The following GALNT10 variants were observed in gnomAD, a reference collection of about 807,000 sequenced individuals.
The protein encoded by GALNT10 is polypeptide N-acetylgalactosaminyltransferase 10, also known as GalNAc transferase 10.
In GALNT10, 41 loss-of-function variants were observed where a neutral mutation model predicts 75.0. The observed-to-expected ratio is 0.55, with a 90% CI of 0.43 to 0.71. GALNT10 has a LOEUF of 0.71. GALNT10 is among the 30% of genes least tolerant of loss of function. GALNT10 has a pLI of 0.00. For missense variants in GALNT10, 727 were observed against 818.5 expected, an observed-to-expected ratio of 0.89 and a Z score of 1.36; for synonymous variants, 302 against 313.0, an observed-to-expected ratio of 0.96 and a Z score of 0.37.
chr5:154,237,476 G>GA (rs1353390709), intron 1 of GALNT10, among the ~76,000 whole-genome samples: 1 of 152,190 alleles, frequency 6.6e-6, no homozygotes, highest in Non-Finnish European at 1.5e-5. Flanking sequence ...ACGCTTGTGA[G>GA]AATCTGTCTA....
intron 9 of GALNT10, among the ~76,000 whole-genome samples, chr5:154,411,683 C>T (rs1756401145): frequency 6.6e-6 from 1 of 152,244 alleles, no homozygotes; most frequent in Non-Finnish European, 1.5e-5. Flanking sequence ...TTTGCAGGAG[C>T]ACTGCTGTGT....
intron 4 of GALNT10, chr5:154,337,326 G>A (rs1341733815): frequency 4.5e-6 from 2 of 446,664 alleles, no homozygotes; most frequent in Non-Finnish European, 8.2e-6. Context: ...ATGAATATTT[G>A]TCTAAAACAT....
Position 154,190,987 on chromosome 5 carries a change from G to T in GALNT10, c.121G>T (p.Gly41Trp). 1 of 1,498,822 alleles carries T rather than the reference G, an allele frequency of 6.7e-7. No individual in the cohort carries two copies. Among genetic ancestry groups the T allele is most frequent in the Non-Finnish European group, 8.9e-7 (1 of 1,124,016 alleles). 92.8% of individuals were successfully genotyped at this position (1,498,822 alleles called of 1,614,324 possible). Reference sequence around the variant, plus strand: ...CGAGCGGCAGCCCGACGGCACCCCTGGGGGATCGGGGGCGGCGGTGGCGCC... The same window carrying T: ...CGAGCGGCAGCCCGACGGCACCCCTTGGGGATCGGGGGCGGCGGTGGCGCC... ...YRERQPDGTP[G>W]GSGAAVAPAA... The change falls in exon 1 of 12, where the codon GGG (glycine) becomes TGG (tryptophan). Residue 41 changes from glycine to tryptophan, a missense_variant. Physicochemically the swap from Gly to Trp is radical, Grantham distance 184. Coordinates refer to ENST00000297107, the MANE Select transcript of GALNT10 (RefSeq NM_198321.4).
chr5:154,351,463 T>C (rs372467502), intron 4 of GALNT10, among the ~76,000 whole-genome samples: 2 of 152,388 alleles, frequency 1.3e-5, no homozygotes, highest in South Asian at 4.1e-4. Flanking sequence ...TTCTGTGTTT[T>C]ACTGCTTGCT....
chr5:154,210,959 TG>T (rs1775187260), intron 1 of GALNT10, among the ~76,000 whole-genome samples: 2 of 152,082 alleles, frequency 1.3e-5, no homozygotes, highest in African/African-American at 2.4e-5. Flanking sequence ...TACAGGTAGA[TG>T]GGGGAGAGGG....
chr5:154,205,077 ACTCTGTTCT>A (rs1427215628), intron 1 of GALNT10, among the ~76,000 whole-genome samples: 8 of 151,260 alleles, frequency 5.3e-5, no homozygotes, highest in Non-Finnish European at 1.0e-4. Flanking sequence ...TTTGGACACC[ACTCTGTTCT>A]TGGTGTTGTG....
At chr5:154,391,322 A>G (rs1442548258) in intron 7 of GALNT10, among the ~76,000 whole-genome samples, 1 of 152,216 alleles carries the variant, frequency 6.6e-6, no homozygotes, top group Non-Finnish European at 1.5e-5. Context: ...TTCAGAAATT[A>G]AGATCAATCA....
chr5:154,264,313 C>CAAAA (rs372645621), intron 1 of GALNT10, among the ~76,000 whole-genome samples: 2 of 105,216 alleles, frequency 1.9e-5, no homozygotes, highest in Non-Finnish European at 3.8e-5. Flanking sequence ...ACTCTGTCTC[C>CAAAA]AAAAAAAAAA....
chr5:154,199,146 A>G (rs1240673771), intron 1 of GALNT10, among the ~76,000 whole-genome samples: 1 of 152,134 alleles, frequency 6.6e-6, no homozygotes, highest in Non-Finnish European at 1.5e-5. Flanking sequence ...AGCCTTAGGA[A>G]TGGTTCTTCT....
chr5:154,304,354 GA>G (rs1261324253), intron 3 of GALNT10, among the ~76,000 whole-genome samples: 6 of 151,878 alleles, frequency 4.0e-5, no homozygotes, highest in Non-Finnish European at 8.8e-5. Flanking sequence ...CAGTGATGAA[GA>G]AAAAAATGTC....
At chr5:154,235,082 A>G (rs1429515629) in intron 1 of GALNT10, among the ~76,000 whole-genome samples, 1 of 152,214 alleles carries the variant, frequency 6.6e-6, no homozygotes, top group African/African-American at 2.4e-5. Flanking sequence ...GACAGTTCCC[A>G]AAGGAAAGAA....
chr5:154,369,383 G>A (rs549213430), intron 4 of GALNT10, among the ~76,000 whole-genome samples: 62 of 151,974 alleles, frequency 4.1e-4, no homozygotes, highest in Non-Finnish European at 7.5e-4. Context: ...GTGAGACCTC[G>A]TCTCAAAAAC....
chr5:154,254,368 T>C (rs1490572320), intron 1 of GALNT10, among the ~76,000 whole-genome samples: 5 of 152,204 alleles, frequency 3.3e-5, no homozygotes, highest in African/African-American at 1.2e-4. Flanking sequence ...CTTACATATA[T>C]AGTAGATGCT....
chr5:154,316,098 T>G (rs1397376957), intron 3 of GALNT10, among the ~76,000 whole-genome samples: 1 of 151,840 alleles, frequency 6.6e-6, no homozygotes, highest in Non-Finnish European at 1.5e-5. Flanking sequence ...TTAGTGGGAG[T>G]TTTTAGTTGC....
chr5:154,398,173 GAT>G (rs1355193147), intron 7 of GALNT10, among the ~76,000 whole-genome samples: 1 of 152,252 alleles, frequency 6.6e-6, no homozygotes, highest in Non-Finnish European at 1.5e-5. Context: ...AAGCTAGCAG[GAT>G]ATGTTTGGGA....
intron 6 of GALNT10, among the ~76,000 whole-genome samples, chr5:154,381,787 C>T (rs1755739180): frequency 6.6e-6 from 1 of 152,186 alleles, no homozygotes; most frequent in Admixed American, 6.5e-5. Context: ...TCTCTGTTTC[C>T]TTCTCCTTGC....
intron 4 of GALNT10, among the ~76,000 whole-genome samples, chr5:154,371,565 C>CGTGT (rs1581996762): frequency 1.1e-4 from 5 of 47,436 alleles, no homozygotes; most frequent in East Asian, 3.9e-4. Context: ...TGTGTGTGTA[C>CGTGT]ACACACACAC....
At chr5:154,196,816 G>C (rs568326685) in intron 1 of GALNT10, among the ~76,000 whole-genome samples, 13 of 152,310 alleles carry the variant, frequency 8.5e-5, no homozygotes, top group African/African-American at 3.1e-4. Context: ...CTAGAGCTAG[G>C]AGTGGAGTCA....
At chr5:154,226,776 G>T (rs1017491083) in intron 1 of GALNT10, among the ~76,000 whole-genome samples, 5 of 152,026 alleles carry the variant, frequency 3.3e-5, no homozygotes, top group African/African-American at 1.2e-4. Context: ...TCAAGAAAAT[G>T]ACTATATCCA....
Sources: gnomAD v4.1 joint callset for allele counts (sites outside exome capture counted in the v4.1 genomes callset) on GRCh38, gnomAD v4.1.1 for gene constraint, MANE v1.5 for transcripts, NCBI Gene and HGNC (gene_info 2026-07-23, HGNC 2026-07-21) for gene names.